Variants in PPARGC1A observed in about 807,000 individuals in gnomAD.
PPARGC1A encodes the protein PPARG coactivator 1 alpha.
In PPARGC1A, 25 loss-of-function variants were observed where a neutral mutation model predicts 88.7. The ratio of observed to expected loss-of-function variants is 0.28; its 90% confidence interval spans 0.21 to 0.39. PPARGC1A has a LOEUF of 0.39. Ranked by LOEUF, PPARGC1A falls within the 10% of genes least tolerant of loss-of-function variation. PPARGC1A has a pLI of 1.00. For missense variants in PPARGC1A, 880 were observed against 968.7 expected (o/e 0.91, Z 1.22); for synonymous variants, 363 against 355.6 (o/e 1.02, Z -0.24).
At chr4:23,986,268 T>C in the PPARGC1A span, among the ~76,000 whole-genome samples, 206 of 152,246 alleles carry the variant, frequency 1.4e-3, 2 homozygotes, top group African/African-American at 4.9e-3. Flanking sequence ...TTACATATAC[T>C]TAATAAAGAT....
At chr4:24,323,567 A>G in the PPARGC1A span, among the ~76,000 whole-genome samples, 3 of 151,596 alleles carry the variant, frequency 2.0e-5, no homozygotes, top group African/African-American at 7.3e-5. Context: ...ATTTTCCATT[A>G]CCTTCCCAAA....
At chr4:24,353,532 G>A in the PPARGC1A span, among the ~76,000 whole-genome samples, 2 of 152,100 alleles carry the variant, frequency 1.3e-5, no homozygotes, top group Admixed American at 6.6e-5. Flanking sequence ...CAGATTTCCC[G>A]ATTCCTAAGC....
chr4:24,030,198 C>G, the PPARGC1A span, among the ~76,000 whole-genome samples: 1 of 152,316 alleles, frequency 6.6e-6, no homozygotes, highest in Non-Finnish European at 1.5e-5. Flanking sequence ...TTGCAAGTGT[C>G]TTTGCAATGA....
At chr4:24,112,113 G>T in the PPARGC1A span, among the ~76,000 whole-genome samples, 214 of 152,268 alleles carry the variant, frequency 1.4e-3, 1 homozygote, top group African/African-American at 4.9e-3. Context: ...TGTCCATTCT[G>T]CTTTGCCTAA....
the PPARGC1A span, among the ~76,000 whole-genome samples, chr4:24,128,585 C>T: frequency 3.8e-3 from 526 of 138,368 alleles, 2 homozygotes; most frequent in African/African-American, 0.012. Context: ...TGTGTGCACG[C>T]GCATCTGTGT....
At chr4:23,878,714 C>A (rs1006935433) in intron 2 of PPARGC1A, among the ~76,000 whole-genome samples, 9 of 152,144 alleles carry the variant, frequency 5.9e-5, no homozygotes, top group African/African-American at 2.2e-4. Flanking sequence ...GCAAGATAAG[C>A]CGACAGGAGA....
the PPARGC1A span, among the ~76,000 whole-genome samples, chr4:23,990,273 A>C: frequency 1.3e-5 from 2 of 151,052 alleles, no homozygotes; most frequent in African/African-American, 4.9e-5. Context: ...GATAATTTAC[A>C]AGGTACTCTG....
the PPARGC1A span, among the ~76,000 whole-genome samples, chr4:24,463,412 A>G: frequency 6.6e-6 from 1 of 152,208 alleles, no homozygotes; most frequent in Admixed American, 6.5e-5. Flanking sequence ...TAGCAAGCCT[A>G]TGGTAACCCA....
chr4:23,971,533 A>C, the PPARGC1A span, among the ~76,000 whole-genome samples: 2 of 152,206 alleles, frequency 1.3e-5, no homozygotes, highest in East Asian at 3.9e-4. Context: ...TGAGTCCCAG[A>C]ACTCAAGAAC....
At chr4:24,371,013 G>A in the PPARGC1A span, among the ~76,000 whole-genome samples, 195 of 151,976 alleles carry the variant, frequency 1.3e-3, 1 homozygote, top group African/African-American at 4.3e-3. Flanking sequence ...TCCCACTTAC[G>A]AGTGAGAACA....
At chr4:24,349,128 CT>C in the PPARGC1A span, among the ~76,000 whole-genome samples, 1 of 152,208 alleles carries the variant, frequency 6.6e-6, no homozygotes, top group Non-Finnish European at 1.5e-5. Flanking sequence ...TGGGGGTTGT[CT>C]GCAGAGTCCT....
At chr4:24,433,360 G>C in the PPARGC1A span, among the ~76,000 whole-genome samples, 36 of 151,990 alleles carry the variant, frequency 2.4e-4, no homozygotes, top group African/African-American at 7.7e-4. Context: ...CTTCGCTCTG[G>C]GGGGGACAGG....
the PPARGC1A span, among the ~76,000 whole-genome samples, chr4:24,302,403 G>A: frequency 6.6e-6 from 1 of 152,180 alleles, no homozygotes; most frequent in Non-Finnish European, 1.5e-5. Context: ...GCAGGCTGTG[G>A]TTATGAATGG....
chr4:24,038,868 G>T, the PPARGC1A span, among the ~76,000 whole-genome samples: 5 of 152,312 alleles, frequency 3.3e-5, no homozygotes, highest in South Asian at 1.0e-3. Flanking sequence ...GCAGAAGCTA[G>T]CAAATCCTCC....
At chr4:24,290,393 C>T in the PPARGC1A span, among the ~76,000 whole-genome samples, 4,236 of 152,152 alleles carry the variant, frequency 0.028, 202 homozygotes, top group African/African-American at 0.097. Flanking sequence ...CCAGCTTCAT[C>T]AGTGAATATC....
chr4:24,315,850 A>C, the PPARGC1A span, among the ~76,000 whole-genome samples: 1 of 152,234 alleles, frequency 6.6e-6, no homozygotes, highest in South Asian at 2.1e-4. Context: ...TTAGACTGCC[A>C]GGTCCTTTCC....
chr4:24,466,022 C>T, the PPARGC1A span, among the ~76,000 whole-genome samples: 58 of 152,056 alleles, frequency 3.8e-4, no homozygotes, highest in African/African-American at 4.3e-4. Flanking sequence ...TTTCTTCTGT[C>T]GAATATTTTA....
chr4:24,038,956 A>G, the PPARGC1A span, among the ~76,000 whole-genome samples: 1 of 152,174 alleles, frequency 6.6e-6, no homozygotes, highest in African/African-American at 2.4e-5. Flanking sequence ...TTTACAAGCT[A>G]AGAGCCACAG....
chr4:23,910,318 A>ATATATTATAT, the PPARGC1A span, among the ~76,000 whole-genome samples: 251 of 35,840 alleles, frequency 7.0e-3, 2 homozygotes, highest in African/African-American at 0.063. Context: ...ATATAATATT[A>ATATATTATAT]TATATATTAT....
Sources: gnomAD v4.1 joint callset for allele counts (sites outside exome capture counted in the v4.1 genomes callset) on GRCh38, gnomAD v4.1.1 for gene constraint, MANE v1.5 for transcripts, NCBI Gene and HGNC (gene_info 2026-07-23, HGNC 2026-07-21) for gene names.